KIDINS220: variants seen among roughly 807,000 people sequenced by gnomAD.
KIDINS220 encodes kinase D interacting substrate 220.
KIDINS220 carries 63 observed loss-of-function variants against 157.6 expected under a neutral mutation model. The ratio of observed to expected loss-of-function variants is 0.40; its 90% CI spans 0.33 to 0.49. The LOEUF (loss-of-function observed/expected upper bound fraction) is 0.49. Ranked by LOEUF, KIDINS220 falls within the 20% of genes least tolerant of loss-of-function variation. KIDINS220 has a pLI of 0.66. For missense variants in KIDINS220, 1,772 were observed against 2,171.2 expected (o/e 0.82, Z 3.65); for synonymous variants, 732 against 783.6 (o/e 0.93, Z 1.10).
chr2:8,821,909 T>G (rs2148413907), intron 2 of KIDINS220, among the ~76,000 whole-genome samples: 1 of 152,328 alleles, frequency 6.6e-6, no homozygotes, highest in Admixed American at 6.5e-5. Context: ...AAACTTTCAT[T>G]TTTCTACTTG....
chr2:8,779,849 G>C (rs1381018132), intron 17 of KIDINS220, 35 bp from the exon 18 acceptor site: 1 of 1,607,298 alleles, frequency 6.2e-7, no homozygotes, highest in Non-Finnish European at 8.5e-7. Context: ...AAGCACTGAA[G>C]GAAGATCCAA....
In KIDINS220 at chr2:8,731,119, A is replaced by T; in HGVS notation, c.4917T>A (p.Ile1639=). 4 of 1,614,122 alleles carry T rather than the reference A, an allele frequency of 2.5e-6. No homozygotes were observed. Among genetic ancestry groups the T allele is most frequent in the Non-Finnish European group, 3.4e-6 (4 of 1,180,002 alleles). The part of the protein sequence containing the change: ...PHSLSGLQDP[I]IARMSICSED... ...CTGAACAAATGGACATCCGAGCTAT[A>T]ATTGGATCTTGCAGGCCACTCAGGC... Residue 1639 remains isoleucine, a synonymous_variant, in exon 30 of 30, where the codon ATT becomes ATA. Coordinates refer to ENST00000256707, the MANE Select transcript of KIDINS220 (RefSeq NM_020738.4). The surrounding 1 kb of genome is among the most constrained non-coding windows in gnomAD (Gnocchi z 5.2).
chr2:8,751,443 T>A (rs1450279688), intron 23 of KIDINS220, 23 bp downstream of exon 23: 2 of 1,561,150 alleles, frequency 1.3e-6, no homozygotes, highest in Admixed American at 2.0e-5. Flanking sequence ...AGATGAAAAA[T>A]TAAATTTACT....
chr2:8,820,403 A>T (rs1454700321), intron 2 of KIDINS220, among the ~76,000 whole-genome samples: 1 of 152,264 alleles, frequency 6.6e-6, no homozygotes, highest in Non-Finnish European at 1.5e-5. Flanking sequence ...TTTGCTGAGT[A>T]AACGAGTGAG....
rs199892881 is a variant in KIDINS220 at position 8,813,288 on chromosome 2, G to A, written c.354C>T (p.Asp118=). Residue 118 remains aspartate, a synonymous_variant, in exon 5 of 30, where the codon GAC becomes GAT. Transcript: ENST00000256707. ...CATGAGAAAGAAGCAACTCTACTAC[G>A]TCAGTACGGCCTTTGTAACATGCCC... ...LMWACYKGRT[D]VVELLLSHGA... 50 of 1,613,418 alleles carry A rather than the reference G, an allele frequency of 3.1e-5. 1 individual carries two copies. The highest frequency in any genetic ancestry group is 6.6e-5 in the South Asian group (6 of 91,010).
downstream of KIDINS220, chr2:8,723,505 A>G (rs144964103): frequency 9.1e-4 from 139 of 152,316 alleles, no homozygotes; most frequent in African/African-American, 3.1e-3. Context: ...CAACATAATA[A>G]ATTTTCAAAC....
At chr2:8,738,352 T>C (rs950807845) in intron 26 of KIDINS220, among the ~76,000 whole-genome samples, 7 of 152,206 alleles carry the variant, frequency 4.6e-5, no homozygotes, top group African/African-American at 1.4e-4. Flanking sequence ...GGCAAAAGTA[T>C]AAGCAGAAAC....
rs1486298158 is a variant in KIDINS220 at position 8,751,593 on chromosome 2, A to G, written c.3063T>C (p.Ile1021=). 4.3e-6 allele frequency: 7 copies of G among 1,610,686 alleles called. No homozygotes were observed. Among genetic ancestry groups the G allele is most frequent in the Non-Finnish European group, 5.9e-6 (7 of 1,177,998 alleles). Residue 1021 remains isoleucine, a synonymous_variant, in exon 23 of 30, where the codon ATT becomes ATC. Transcript: ENST00000256707. ...CTTCAAAATTTCTTATATCTCCATC[A>G]ATTTCAAGAAGTGGCTCAACATCCT... ...TTKDVEPLLE[I]DGDIRNFEVF... is the part of the protein sequence containing the mutation.
chr2:8,811,994 T>C (rs1572759841), intron 6 of KIDINS220, among the ~76,000 whole-genome samples: 1 of 152,196 alleles, frequency 6.6e-6, no homozygotes, highest in South Asian at 2.1e-4. Context: ...TCACCCATCA[T>C]ACCAGAGATG....
intron 22 of KIDINS220, among the ~76,000 whole-genome samples, chr2:8,768,736 G>A (rs941849702): frequency 6.6e-6 from 1 of 152,044 alleles, no homozygotes; most frequent in African/African-American, 2.4e-5. Flanking sequence ...ACAAGCAATA[G>A]CATCAAAGAA....
Position 8,744,598 on chromosome 2 carries a change from CAG to C in KIDINS220, c.3585+2545_3585+2546del, listed in dbSNP as rs1666289701. Among the ~76,000 whole-genome samples the C allele has an allele frequency of 2.0e-5, 3 of 151,170 alleles. No homozygotes were observed. The South Asian group carries it at 6.3e-4, about 32-fold the overall frequency. On this transcript the variant is annotated intron_variant, in intron 26 of 29. Transcript: ENST00000256707. ...CTTTGTATAGAGACGGCTGACTGAG[CAG>C]AGATGGGACCAATGGGAAATCCCGT... is the stretch of plus-strand genomic sequence containing the variant.
At chr2:8,728,128 T>C (rs116102868), downstream of KIDINS220, among the ~76,000 whole-genome samples, 3,645 of 152,238 alleles carry the variant, frequency 0.024, 139 homozygotes, top group African/African-American at 0.083. Context: ...GGATTGCTTG[T>C]ATCCAGGAGT....
chr2:8,744,302 G>C (rs1206272661), intron 26 of KIDINS220, among the ~76,000 whole-genome samples: 1 of 127,410 alleles, frequency 7.8e-6, no homozygotes, highest in East Asian at 2.4e-4. Flanking sequence ...CTTAATGTGA[G>C]AAAACTCAAT....
chr2:8,768,503 TTTTC>T (rs2148147759), intron 22 of KIDINS220, among the ~76,000 whole-genome samples: 1 of 152,280 alleles, frequency 6.6e-6, no homozygotes, highest in South Asian at 2.1e-4. Flanking sequence ...AGAACCAACA[TTTTC>T]TTTTTCACCT....
chr2:8,758,935 ACT>A (rs994528450), intron 22 of KIDINS220, among the ~76,000 whole-genome samples: 2 of 152,164 alleles, frequency 1.3e-5, no homozygotes, highest in African/African-American at 4.8e-5. Context: ...GTACACAACA[ACT>A]CTCAACAGAG....
chr2:8,721,588 T>G (rs1199659953), downstream of KIDINS220: 2 of 152,348 alleles, frequency 1.3e-5, no homozygotes, highest in East Asian at 3.9e-4. Flanking sequence ...AAACTGATGA[T>G]GATGATGATA....
intron 21 of KIDINS220, among the ~76,000 whole-genome samples, chr2:8,772,146 C>T (rs554220234): frequency 2.6e-5 from 4 of 152,026 alleles, no homozygotes. Flanking sequence ...ATGAAGGAAC[C>T]GGTAGACAGA....
chr2:8,780,344 T>C (rs1002066249), intron 17 of KIDINS220, among the ~76,000 whole-genome samples: 5 of 152,220 alleles, frequency 3.3e-5, no homozygotes, highest in African/African-American at 1.2e-4. Context: ...GTCTATTTTA[T>C]AAAAACATGC....
intron 2 of KIDINS220, 87 bp from the exon 3 acceptor site, chr2:8,818,880 G>C (rs1677489725): frequency 1.6e-6 from 1 of 643,360 alleles, no homozygotes; most frequent in Non-Finnish European, 2.7e-6. Context: ...ACATTTTCAT[G>C]AATGTATGTT....
Sources: allele counts gnomAD v4.1 joint callset (sites outside exome capture counted in the v4.1 genomes callset), GRCh38; gene constraint gnomAD v4.1.1; non-coding constraint Gnocchi (gnomAD v3.1); transcripts MANE v1.5; gene names NCBI Gene and HGNC (gene_info 2026-07-23, HGNC 2026-07-21).